Variants in TIAM2 observed in about 807,000 individuals in gnomAD.
TIAM2 encodes TIAM Rac1 associated GEF 2, also known as rho guanine nucleotide exchange factor TIAM2.
In TIAM2, 80 loss-of-function variants were observed where a neutral mutation model predicts 152.9. The ratio of observed to expected loss-of-function variants is 0.52; its 90% CI spans 0.44 to 0.63. The LOEUF (loss-of-function observed/expected upper bound fraction) is 0.63. TIAM2 is among the 30% of genes least tolerant of loss of function. The pLI is 0.00. For synonymous variants in TIAM2, 804 were observed against 838.0 expected (o/e 0.96, Z 0.70); for missense variants, 1,965 against 2,120.1 (o/e 0.93, Z 1.44).
chr6:155,062,661 C>T (rs1345908140), intron 1 of TIAM2, among the ~76,000 whole-genome samples: 2 of 151,572 alleles, frequency 1.3e-5, no homozygotes, highest in Admixed American at 1.3e-4. Flanking sequence ...CCACTGCAAC[C>T]TCCTACACCT....
intron 14 of TIAM2, among the ~76,000 whole-genome samples, chr6:155,201,986 A>G (rs1172652403): frequency 1.3e-5 from 2 of 152,248 alleles, no homozygotes; most frequent in African/African-American, 4.8e-5. Context: ...AAGCTTAACA[A>G]TAACATTCAG....
At chr6:155,170,296 A>G (rs533986320) in intron 9 of TIAM2, among the ~76,000 whole-genome samples, 18 of 152,348 alleles carry the variant, frequency 1.2e-4, no homozygotes, top group Non-Finnish European at 2.5e-4. Flanking sequence ...TTAGGGTCCT[A>G]TCTCTTCCAG....
Position 155,214,137 on chromosome 6 carries a change from G to A in TIAM2, c.3168+2830G>A, listed in dbSNP as rs1035438605. ...AGTCACAGCTGTGCCCGAGGAGCAC[G>A]AGGCTCCCGCCCTGCCACTTCAGGA... On this transcript the variant is annotated intron_variant, in intron 15 of 26. Coordinates refer to ENST00000682666, the MANE Select transcript of TIAM2 (RefSeq NM_012454.4). The surrounding 1 kb of genome is among the most constrained non-coding windows in gnomAD (Gnocchi z 5.4). 2.6e-5 allele frequency among the ~76,000 whole-genome samples: 4 copies of A among 152,256 alleles called. No individual in the cohort carries two copies. The highest frequency in any genetic ancestry group is 7.2e-5 in the African/African-American group (3 of 41,468).
At chr6:155,040,410 A>G (rs1777004714) in intron 1 of TIAM2, among the ~76,000 whole-genome samples, 1 of 152,232 alleles carries the variant, frequency 6.6e-6, no homozygotes, top group Admixed American at 6.5e-5. Context: ...TCAGGGAAGA[A>G]GACATTTAAT....
intron 26 of TIAM2, 117 bp from the exon 27 acceptor site, chr6:155,256,366 TG>T: frequency 1.4e-6 from 2 of 1,445,316 alleles, no homozygotes; most frequent in Non-Finnish European, 1.9e-6. Flanking sequence ...AGTTGCTAAC[TG>T]AAGTCATATC....
chr6:155,166,923 T>C (rs1267245436), intron 9 of TIAM2, among the ~76,000 whole-genome samples: 1 of 152,254 alleles, frequency 6.6e-6, no homozygotes, highest in Non-Finnish European at 1.5e-5. Flanking sequence ...AGCTGCTGTT[T>C]TTCTGATTAT....
rs1300465373 is a variant in TIAM2, at chr6:154,995,508, G to T, written c.-209+16G>T. ...GCGACCCGAGGTAAGGGGCGCCCGG[G>T]TGAGGGCGCAGGAGGGCGACGACCC... is the stretch of plus-strand genomic sequence containing the variant. On this transcript the variant is annotated intron_variant, in intron 1 of 26. Transcript: ENST00000682666. The surrounding 1 kb of genome is among the most constrained non-coding windows in gnomAD (Gnocchi z 5.2). 1.3e-5 allele frequency: 2 copies of T among 150,760 alleles called. No homozygotes were observed. Among genetic ancestry groups the T allele is most frequent in the Non-Finnish European group, 3.0e-5 (2 of 67,594 alleles). The allele number at this position is 150,760 out of a possible 1,614,324, so 9.3% of individuals were successfully genotyped here.
intron 7 of TIAM2, among the ~76,000 whole-genome samples, chr6:155,160,762 A>C (rs541892145): frequency 5.4e-4 from 66 of 121,456 alleles, no homozygotes; most frequent in African/African-American, 1.6e-3. Flanking sequence ...ACCATGTCTC[A>C]AAACAAAAAC....
chr6:155,017,596 T>C (rs376694688), intron 1 of TIAM2, among the ~76,000 whole-genome samples: 1 of 149,014 alleles, frequency 6.7e-6, no homozygotes, highest in African/African-American at 2.5e-5. Flanking sequence ...CTCCGCCTCC[T>C]GGGTTCAAGC....
Position 155,087,987 on chromosome 6 carries a change from C to T in TIAM2, c.-208-2302C>T, listed in dbSNP as rs994346442. On this transcript the variant is annotated intron_variant, in intron 1 of 26. Coordinates refer to ENST00000682666, the MANE Select transcript of TIAM2 (RefSeq NM_012454.4). The stretch of plus-strand genomic sequence containing the variant: ...ATGGGTCCATCCCAATCCTGATATC[C>T]TATAAATGAAAACTGTTCTTTTTAG... Among the ~76,000 whole-genome samples, 5 of 151,456 alleles carry T rather than the reference C, an allele frequency of 3.3e-5. No homozygotes were observed. In the South Asian group the frequency reaches 1.0e-3, roughly 32 times the overall value.
At chr6:155,114,037 T>TATATATATATATATATATATA (rs1381031482) in intron 2 of TIAM2, among the ~76,000 whole-genome samples, 1 of 28,490 alleles carries the variant, frequency 3.5e-5, no homozygotes, top group Non-Finnish European at 6.9e-5. Flanking sequence ...TATATATATA[T>TATATATATATATATATATATA]TTTTTTTTTT....
chr6:155,133,833 C>T (rs867930142), intron 4 of TIAM2, among the ~76,000 whole-genome samples: 5 of 152,114 alleles, frequency 3.3e-5, no homozygotes, highest in South Asian at 4.1e-4. Flanking sequence ...CCTGCCTCAG[C>T]GTCCTGAGTA....
intron 5 of TIAM2, 109 bp from the exon 6 acceptor site, chr6:155,144,497 A>G (rs1228023645): frequency 1.2e-5 from 13 of 1,070,400 alleles, no homozygotes; most frequent in South Asian, 6.8e-5. Flanking sequence ...TTTCTGTCAC[A>G]TGATTGTCTC....
chr6:155,129,428 A>G lies in TIAM2; in HGVS notation c.205A>G (p.Lys69Glu). Residue 69 changes from lysine (K) to glutamate (E), a missense_variant, in exon 4 of 27, where the codon AAG (lysine) becomes GAG (glutamate). This residue lies in a region of TIAM2 where 1,025 missense variants were observed against 1,119.4 expected (regional missense o/e 0.92). Coordinates refer to ENST00000682666, the MANE Select transcript of TIAM2 (RefSeq NM_012454.4). The surrounding 1 kb of genome is among the most constrained non-coding windows in gnomAD (Gnocchi z 4.8). ...GGCCCGAAGCTGCCTTTCTCACTTT[A>G]AGAGTAACCAGCCTTACGCATCGAG... ...SLARSCLSHF[K>E]SNQPYASRLG... is the part of the protein sequence containing the mutation. 1 of 1,614,036 alleles carries G rather than the reference A, an allele frequency of 6.2e-7. No individual in the cohort carries two copies. Among genetic ancestry groups the G allele is most frequent in the Non-Finnish European group, 8.5e-7 (1 of 1,179,988 alleles).
At position 155,174,398 on chromosome 6, in the gene TIAM2, C is replaced by G. The variant is rs1377023928; in HGVS notation, c.2362-2418C>G. On this transcript the variant is annotated intron_variant, in intron 9 of 26. Coordinates refer to ENST00000682666, the MANE Select transcript of TIAM2 (RefSeq NM_012454.4). This position sits in a 1 kb window ranked among gnomAD's most constrained non-coding sequence, Gnocchi z 4.2. Reference sequence around the variant, plus strand: ...GTCTTTTTTTTTTTTTGAGATGGAGCCTCCCTCTGTCGCCCAGGCTGGAGT... The same window carrying G: ...GTCTTTTTTTTTTTTTGAGATGGAGGCTCCCTCTGTCGCCCAGGCTGGAGT... Among the ~76,000 whole-genome samples, 3 of 150,892 alleles carry G rather than the reference C, an allele frequency of 2.0e-5. No individual in the cohort carries two copies. Among genetic ancestry groups the G allele is most frequent in the Admixed American group, 6.6e-5 (1 of 15,180 alleles).
chr6:155,084,234 C>T (rs1480539372), intron 1 of TIAM2, among the ~76,000 whole-genome samples: 2 of 152,148 alleles, frequency 1.3e-5, no homozygotes, highest in Non-Finnish European at 2.9e-5. Context: ...ACTTCACAGC[C>T]TCTTACCCCC....
rs751235113 is a variant in TIAM2 at position 155,058,997 on chromosome 6, G to T, written c.-208-31292G>T. Among the ~76,000 whole-genome samples the T allele has an allele frequency of 6.6e-4, 100 of 152,106 alleles. 3 individuals carry two copies. The highest frequency in any genetic ancestry group is 2.6e-4 in the Non-Finnish European group (18 of 68,026). On this transcript the variant is annotated intron_variant, in intron 1 of 26. Transcript: ENST00000682666. The stretch of plus-strand genomic sequence containing the variant: ...CTGCCCTGTAATTTGAAAGATTATT[G>T]GGAATTAACTATGCAACATGGAAAG...
intron 1 of TIAM2, among the ~76,000 whole-genome samples, chr6:155,057,565 G>A (rs1187653938): frequency 1.2e-4 from 2 of 17,386 alleles, no homozygotes; most frequent in African/African-American, 4.6e-4. Context: ...TTTTTTTTTT[G>A]AGACAGAGGC....
intron 1 of TIAM2, among the ~76,000 whole-genome samples, chr6:155,009,717 A>T (rs774731913): frequency 2.2e-4 from 34 of 152,328 alleles, no homozygotes; most frequent in Non-Finnish European, 3.8e-4. Context: ...AATGGAAATT[A>T]TATTAATTAC....
Sources: gnomAD v4.1 joint callset for allele counts (sites outside exome capture counted in the v4.1 genomes callset) on GRCh38, gnomAD v4.1.1 for gene constraint, gnomAD v4.1.1 regional missense constraint, Gnocchi (gnomAD v3.1) non-coding constraint, MANE v1.5 for transcripts, NCBI Gene and HGNC (gene_info 2026-07-23, HGNC 2026-07-21) for gene names.